The following PI4KA variants were observed in gnomAD, a reference collection of about 807,000 sequenced individuals.
PI4KA encodes the protein phosphatidylinositol 4-kinase alpha, also known as PI4-kinase alpha.
In PI4KA, 122 loss-of-function variants were observed where a neutral mutation model predicts 271.4. The ratio of observed to expected loss-of-function variants is 0.45; its 90% CI spans 0.39 to 0.52. PI4KA has a LOEUF of 0.52. PI4KA is among the 20% of genes least tolerant of loss of function. The probability of loss-of-function intolerance (pLI) is 0.00; values close to 1 mark genes in which losing one functional copy is unlikely to be tolerated. For synonymous variants in PI4KA, 1,041 were observed against 1,078.8 expected, an observed-to-expected ratio of 0.96 and a Z score of 0.69; for missense variants, 1,969 against 2,769.1, an observed-to-expected ratio of 0.71 and a Z score of 6.48.
At position 20,808,998 on chromosome 22, in the gene PI4KA, G is replaced by A. The variant is rs188325164; in HGVS notation, c.1072-1540C>T. Reference sequence around the variant, plus strand: ...AAAAAAAGAATCATGTGGAGAGTGTGAGAGTCATGCCAATTCCCAGGAGGA... The same window carrying A: ...AAAAAAAGAATCATGTGGAGAGTGTAAGAGTCATGCCAATTCCCAGGAGGA... On this transcript the variant is annotated intron_variant, in intron 9 of 54. Coordinates refer to ENST00000255882, the MANE Select transcript of PI4KA (RefSeq NM_058004.4). 4.6e-5 allele frequency among the ~76,000 whole-genome samples: 7 copies of A among 152,298 alleles called. No homozygotes were observed. In the East Asian group the frequency reaches 1.3e-3, roughly 29 times the overall value.
At chr22:20,811,228 T>G (rs1043540623) in intron 8 of PI4KA, among the ~76,000 whole-genome samples, 196 bp from the exon 9 acceptor site, 1 of 152,210 alleles carries the variant, frequency 6.6e-6, no homozygotes, top group Non-Finnish European at 1.5e-5. Context: ...TTGGGACTGC[T>G]TTTCTACCTT....
intron 20 of PI4KA, 146 bp downstream of exon 20, chr22:20,765,439 A>T: frequency 1.3e-6 from 1 of 748,074 alleles, no homozygotes; most frequent in Non-Finnish European, 2.3e-6. Flanking sequence ...ATCTGGGGAC[A>T]GTAACACTTG....
At chr22:20,843,020 C>T (rs1449861066) in intron 1 of PI4KA, among the ~76,000 whole-genome samples, 7 of 151,500 alleles carry the variant, frequency 4.6e-5, no homozygotes, top group Non-Finnish European at 8.8e-5. Context: ...ATGGCGTGAA[C>T]CCGGGAGGCA....
intron 19 of PI4KA, among the ~76,000 whole-genome samples, chr22:20,777,742 A>G (rs979952109): frequency 6.6e-6 from 1 of 152,206 alleles, no homozygotes; most frequent in Non-Finnish European, 1.5e-5. Context: ...GTCCTGGCAA[A>G]ACATGGAATC....
intron 3 of PI4KA, among the ~76,000 whole-genome samples, chr22:20,828,095 G>C (rs980282739): frequency 1.3e-5 from 2 of 151,982 alleles, no homozygotes; most frequent in Non-Finnish European, 2.9e-5. Context: ...TGCCCGACTG[G>C]TATTTTATTA....
intron 19 of PI4KA, among the ~76,000 whole-genome samples, chr22:20,785,839 T>A (rs1379759053): frequency 6.6e-6 from 1 of 151,948 alleles, no homozygotes; most frequent in African/African-American, 2.4e-5. Flanking sequence ...TACAAAGGAG[T>A]GTGCTTCCTA....
intron 25 of PI4KA, 100 bp from the exon 26 acceptor site, chr22:20,751,855 C>T: frequency 1.0e-6 from 1 of 991,354 alleles, no homozygotes. Flanking sequence ...ATATCTGCTT[C>T]AGGCCAGCTG....
At position 20,858,566 on chromosome 22, in the gene PI4KA, T is replaced by C; in HGVS notation, c.156+4A>G. 1.4e-6 allele frequency: 2 copies of C among 1,386,856 alleles called. No homozygotes were observed. The highest frequency in any genetic ancestry group is 1.9e-6 in the Non-Finnish European group (2 of 1,065,548). The allele number at this position is 1,386,856 out of a possible 1,614,324, so 85.9% of individuals were successfully genotyped here. On this transcript the variant is annotated splice_donor_region_variant and intron_variant, in intron 1 of 54. Coordinates refer to ENST00000255882, the MANE Select transcript of PI4KA (RefSeq NM_058004.4). ...CAGCCCGCGGCCCAGCCCGCCGACG[T>C]TACCTTCTCCAAGGATGCTGGTCTC... is the stretch of plus-strand genomic sequence containing the variant.
In PI4KA at chr22:20,804,128, G is replaced by C. The variant is rs1935501212; in HGVS notation, c.1461+172C>G. ...AAGCCCTGGCATCCTGCAGGGGGCA[G>C]CCCACACTCAGTGATGAACTGTGCA... On this transcript the variant is annotated intron_variant, in intron 12 of 54. Coordinates refer to ENST00000255882, the MANE Select transcript of PI4KA (RefSeq NM_058004.4). Among the ~76,000 whole-genome samples the C allele has an allele frequency of 2.0e-5, 3 of 151,740 alleles. No homozygotes were observed. In the South Asian group the frequency reaches 6.2e-4, roughly 31 times the overall value.
At position 20,711,141 on chromosome 22, in the gene PI4KA, G is replaced by C. The variant is rs530486428; in HGVS notation, c.5923+200C>G. Reference sequence around the variant, plus strand: ...CTGACTCAGAGCAATGGCGGCTCTCGCCCTAGCTCCCTGGGGCCGGGGCCA... The same window carrying C: ...CTGACTCAGAGCAATGGCGGCTCTCCCCCTAGCTCCCTGGGGCCGGGGCCA... On this transcript the variant is annotated intron_variant, in intron 51 of 54. Coordinates refer to ENST00000255882, the MANE Select transcript of PI4KA (RefSeq NM_058004.4). 1,059 of 549,900 alleles carry C rather than the reference G, an allele frequency of 1.9e-3. 11 individuals carry two copies. The highest frequency in any genetic ancestry group is 0.016 in the East Asian group (436 of 26,598). The allele number at this position is 549,900 out of a possible 1,614,324, so 34.1% of individuals were successfully genotyped here. A position where few individuals can be genotyped will look rare whatever the true frequency, so the allele number is the denominator to read the frequency against.
intron 42 of PI4KA, among the ~76,000 whole-genome samples, chr22:20,726,004 G>A (rs1167682977): frequency 6.6e-6 from 1 of 151,332 alleles, no homozygotes; most frequent in African/African-American, 2.5e-5. Flanking sequence ...CAGAATTCAT[G>A]TTTTTTGTTT....
chr22:20,816,306 A>G (rs886237550), intron 7 of PI4KA, among the ~76,000 whole-genome samples: 1 of 151,752 alleles, frequency 6.6e-6, no homozygotes, highest in Non-Finnish European at 1.5e-5. Context: ...TTTTTATTTT[A>G]TTTAGTTTTT....
At chr22:20,808,046 T>C (rs942610354) in intron 9 of PI4KA, among the ~76,000 whole-genome samples, 2 of 151,592 alleles carry the variant, frequency 1.3e-5, no homozygotes, top group Non-Finnish European at 2.9e-5. Context: ...ATCCCAGCAT[T>C]TGGGGAGGCC....
intron 19 of PI4KA, among the ~76,000 whole-genome samples, chr22:20,783,489 TG>T (rs1933961664): frequency 1.3e-5 from 2 of 150,736 alleles, no homozygotes; most frequent in South Asian, 4.2e-4. Flanking sequence ...GGCATGTGCT[TG>T]TAGTCCAAGC....
intron 7 of PI4KA, among the ~76,000 whole-genome samples, chr22:20,817,997 T>C (rs1922069809): frequency 6.6e-6 from 1 of 151,844 alleles, no homozygotes; most frequent in Non-Finnish European, 1.5e-5. Context: ...TGCTGGTGTG[T>C]GCCTGTAATC....
intron 31 of PI4KA, 55 bp downstream of exon 31, chr22:20,742,553 G>A (rs1929587082): frequency 6.3e-7 from 1 of 1,598,208 alleles, no homozygotes; most frequent in African/African-American, 1.3e-5. Flanking sequence ...GGGTCATCAA[G>A]GCCAGCATTC....
At chr22:20,836,381 T>C (rs1414600749) in intron 2 of PI4KA, among the ~76,000 whole-genome samples, 1 of 152,106 alleles carries the variant, frequency 6.6e-6, no homozygotes, top group African/African-American at 2.4e-5. Flanking sequence ...AAAACAAAAG[T>C]TTTTTCTCTA....
At chr22:20,725,062 G>C (rs1927189138) in intron 42 of PI4KA, among the ~76,000 whole-genome samples, 1 of 152,234 alleles carries the variant, frequency 6.6e-6, no homozygotes, top group Non-Finnish European at 1.5e-5. Context: ...GCAGAGGCTG[G>C]CTGCTGTTCT....
chr22:20,727,831 C>A lies in PI4KA; in HGVS notation c.4716G>T (p.Val1572=). ...CCGGGTCCAACCGAACGAGACGGGT[C>A]ACTTCGTTCCCAATGGCTTCTGTGT... ...FKNTEAIGNE[V]TRLVRLDPGA... Residue 1572 remains valine (V), a synonymous_variant, in exon 40 of 55, where the codon GTG becomes GTT. Coordinates refer to ENST00000255882, the MANE Select transcript of PI4KA (RefSeq NM_058004.4). 2 of 1,614,076 alleles carry A rather than the reference C, an allele frequency of 1.2e-6. No homozygotes were observed. The highest frequency in any genetic ancestry group is 1.7e-6 in the Non-Finnish European group (2 of 1,179,994).
Sources: gnomAD v4.1 joint callset for allele counts (sites outside exome capture counted in the v4.1 genomes callset) on GRCh38, gnomAD v4.1.1 for gene constraint, MANE v1.5 for transcripts, NCBI Gene and HGNC (gene_info 2026-07-23, HGNC 2026-07-21) for gene names.